The following PDPR variants were observed in gnomAD, a reference collection of about 807,000 sequenced individuals.
The protein encoded by PDPR is pyruvate dehydrogenase phosphatase regulatory subunit, also known as pyruvate dehydrogenase phosphatase regulatory subunit, mitochondrial.
PDPR carries 50 observed loss-of-function variants against 102.2 expected under a neutral mutation model. The observed-to-expected ratio is 0.49, with a 90% confidence interval of 0.39 to 0.62. PDPR has a LOEUF of 0.62. Ranked by LOEUF, PDPR falls within the 20% of genes least tolerant of loss-of-function variation. PDPR has a pLI of 0.00. For missense variants in PDPR, 625 were observed against 1,098.2 expected (o/e 0.57, Z 6.09); for synonymous variants, 259 against 406.0 (o/e 0.64, Z 4.35).
chr16:70,131,949 G>A, intron 8 of PDPR: 1 of 1,505,720 alleles, frequency 6.6e-7, no homozygotes, highest in East Asian at 2.9e-5. Context: ...TCCACTGAAA[G>A]GCTAAATGGG....
At chr16:70,119,805 C>G (rs1418242837) in intron 2 of PDPR, among the ~76,000 whole-genome samples, 5 of 150,574 alleles carry the variant, frequency 3.3e-5, no homozygotes, top group Admixed American at 6.6e-5. Flanking sequence ...CGCAAACTCT[C>G]AAATGTAAAT....
At chr16:70,141,470 A>G (rs1200153149) in intron 11 of PDPR, among the ~76,000 whole-genome samples, 1 of 152,284 alleles carries the variant, frequency 6.6e-6, no homozygotes, top group Admixed American at 6.5e-5. Flanking sequence ...CTTTCACTTC[A>G]GAAGTGAGTT....
At chr16:70,126,622 C>T (rs1254112306) in intron 3 of PDPR, among the ~76,000 whole-genome samples, 3 of 152,288 alleles carry the variant, frequency 2.0e-5, no homozygotes, top group Admixed American at 1.3e-4. Flanking sequence ...CTCAGCCTCC[C>T]AAAGTGCTGG....
chr16:70,115,601 C>T (rs1440066545), intron 2 of PDPR, among the ~76,000 whole-genome samples: 4 of 152,190 alleles, frequency 2.6e-5, no homozygotes, highest in Admixed American at 6.5e-5. Flanking sequence ...TGTGAACCCA[C>T]GCTCATCCAG....
chr16:70,158,192 C>A lies in PDPR; in HGVS notation c.*1313C>A, dbSNP rs940449737. Reference sequence around the variant, plus strand: ...TGCCCTGCGCTTTCAGGCAGTGTCTCTGTTTTCCCAAGGTGAAACTTAGAT... The same window carrying A: ...TGCCCTGCGCTTTCAGGCAGTGTCTATGTTTTCCCAAGGTGAAACTTAGAT... On this transcript the variant is annotated 3_prime_UTR_variant, in exon 19 of 19. Transcript: ENST00000288050. The A allele has an allele frequency of 6.6e-6, 1 of 152,504 alleles. No homozygotes were observed. The highest frequency in any genetic ancestry group is 2.4e-5 in the African/African-American group (1 of 41,476). 9.4% of individuals were successfully genotyped at this position (152,504 alleles called of 1,614,324 possible). A position where few individuals can be genotyped will look rare whatever the true frequency, so the allele number is the denominator to read the frequency against.
intron 2 of PDPR, among the ~76,000 whole-genome samples, chr16:70,118,691 TG>T (rs1329750921): frequency 1.3e-5 from 2 of 151,950 alleles, no homozygotes; most frequent in East Asian, 3.9e-4. Flanking sequence ...AAAGAGAGCT[TG>T]GGCCACGGGA....
intron 2 of PDPR, among the ~76,000 whole-genome samples, chr16:70,115,152 T>C (rs762439410): frequency 1.4e-4 from 22 of 152,154 alleles, no homozygotes; most frequent in South Asian, 4.2e-4. Context: ...GAGACAGAGT[T>C]TCACTCTGTC....
At chr16:70,117,554 TGAG>T (rs1412467978) in intron 2 of PDPR, among the ~76,000 whole-genome samples, 3 of 151,990 alleles carry the variant, frequency 2.0e-5, no homozygotes, top group African/African-American at 4.8e-5. Context: ...GGCTGTGACC[TGAG>T]GAGATTACCT....
At chr16:70,155,905 C>T (rs74906853) in intron 18 of PDPR, among the ~76,000 whole-genome samples, 11,300 of 145,566 alleles carry the variant, frequency 0.078, no homozygotes, top group Non-Finnish European at 0.11. Context: ...CAGGTTCAAA[C>T]GATTTTCCTG....
intron 2 of PDPR, among the ~76,000 whole-genome samples, chr16:70,119,977 C>T (rs1276405427): frequency 5.3e-5 from 8 of 150,880 alleles, no homozygotes; most frequent in Middle Eastern, 6.8e-3. Flanking sequence ...AGTGCGGTGG[C>T]GCGATCTCTG....
rs1463700406 is a variant in PDPR, at chr16:70,132,265, A to C, written c.962A>C (p.Glu321Ala). The C allele has an allele frequency of 1.9e-6, 3 of 1,614,014 alleles. No homozygotes were observed. The highest frequency in any genetic ancestry group is 2.5e-6 in the Non-Finnish European group (3 of 1,179,848). Residue 321 changes from glutamate (E) to alanine (A), a missense_variant, in exon 9 of 19, where the codon GAG becomes GCG. Physicochemically the swap from Glu to Ala is moderately radical, Grantham distance 107. Around this residue, in one of 11 missense-constraint regions of PDPR, gnomAD observed 50 missense variants for 79.9 expected, o/e 0.63. Coordinates refer to ENST00000288050, the MANE Select transcript of PDPR (RefSeq NM_017990.5). Reference protein sequence around the residue: ...PIFTEGKNQLEIQNLQEDWDH... With the variant: ...PIFTEGKNQLAIQNLQEDWDH... ...TTCACTGAGGGCAAGAACCAGCTGG[A>C]GATTCAGAATCTACAGGAAGACTGG...
At chr16:70,155,949 C>T (rs577640426) in intron 18 of PDPR, among the ~76,000 whole-genome samples, 7 of 152,214 alleles carry the variant, frequency 4.6e-5, no homozygotes, top group South Asian at 2.1e-4. Flanking sequence ...GCACACTCCA[C>T]CAGAATCTTG....
intron 3 of PDPR, among the ~76,000 whole-genome samples, chr16:70,121,750 A>G (rs1425177051): frequency 6.6e-6 from 1 of 150,544 alleles, no homozygotes; most frequent in Non-Finnish European, 1.5e-5. Flanking sequence ...GTGTTTAGCT[A>G]ATGTTTTCTT....
chr16:70,153,699 G>A (rs1244566444), intron 18 of PDPR, 126 bp downstream of exon 18: 1 of 1,029,754 alleles, frequency 9.7e-7, no homozygotes, highest in African/African-American at 1.7e-5. Context: ...GTTAGCATCA[G>A]GTAAATGAGG....
chr16:70,125,114 T>G (rs1014260161), intron 3 of PDPR, among the ~76,000 whole-genome samples: 1 of 152,216 alleles, frequency 6.6e-6, no homozygotes, highest in African/African-American at 2.4e-5. Flanking sequence ...CAGTGGCTTA[T>G]GCCGGTAATC....
rs1209771591 is a variant in PDPR, at chr16:70,131,557, C to T, written c.847+138C>T. 15 of 1,070,278 alleles carry T rather than the reference C, an allele frequency of 1.4e-5. No homozygotes were observed. The South Asian group carries it at 2.6e-4, about 18-fold the overall frequency. 66.3% of individuals were successfully genotyped at this position (1,070,278 alleles called of 1,614,324 possible). ...AGAGCATGTTACAGGGAGGTGGACC[C>T]AATTCTGACTTTTCTTTATTAACTC... On this transcript the variant is annotated intron_variant, in intron 8 of 18. Coordinates refer to ENST00000288050, the MANE Select transcript of PDPR (RefSeq NM_017990.5).
chr16:70,142,198 T>G (rs1350197070), intron 11 of PDPR, 36 bp from the exon 12 acceptor site: 2 of 1,607,384 alleles, frequency 1.2e-6, no homozygotes. Context: ...AGAATCTGTG[T>G]CTTGGGCTTT....
At chr16:70,130,945 A>G (rs1320059454) in intron 7 of PDPR, among the ~76,000 whole-genome samples, 1 of 152,280 alleles carries the variant, frequency 6.6e-6, no homozygotes, top group African/African-American at 2.4e-5. Context: ...CTTCCATGCT[A>G]TGATCCCGAA....
chr16:70,153,287 C>CG, intron 17 of PDPR, 104 bp from the exon 18 acceptor site: 1 of 1,255,602 alleles, frequency 8.0e-7, no homozygotes, highest in South Asian at 1.6e-5. Flanking sequence ...TATACGCCTC[C>CG]TCTCTTGTCC....
Sources: gnomAD v4.1 joint callset for allele counts (sites outside exome capture counted in the v4.1 genomes callset) on GRCh38, gnomAD v4.1.1 for gene constraint, gnomAD v4.1.1 regional missense constraint, MANE v1.5 for transcripts, NCBI Gene and HGNC (gene_info 2026-07-23, HGNC 2026-07-21) for gene names.